MICAL2: variants seen among roughly 807,000 people sequenced by gnomAD.
The protein encoded by MICAL2 is [F-actin]-monooxygenase MICAL2.
MICAL2 carries 77 observed loss-of-function variants against 127.3 expected under a neutral mutation model. The observed-to-expected ratio is 0.60, with a 90% CI of 0.50 to 0.73. The LOEUF (loss-of-function observed/expected upper bound fraction) is 0.73, where lower values mean the gene tolerates loss of function less well. Ranked by LOEUF, MICAL2 falls within the 30% of genes least tolerant of loss-of-function variation. The probability of loss-of-function intolerance (pLI) is 0.00; values close to 1 mark genes in which losing one functional copy is unlikely to be tolerated. For missense variants in MICAL2, 1,351 were observed against 1,434.4 expected (o/e 0.94, Z 0.94); for synonymous variants, 570 against 551.1 (o/e 1.03, Z -0.48).
At chr11:12,199,608 G>A (rs1860409670) in intron 3 of MICAL2, among the ~76,000 whole-genome samples, 1 of 152,168 alleles carries the variant, frequency 6.6e-6, no homozygotes, top group South Asian at 2.1e-4. Context: ...GGTGAGAGGG[G>A]CGGCTGGAAG....
intron 1 of MICAL2, among the ~76,000 whole-genome samples, chr11:12,126,884 C>G (rs1850967806): frequency 6.6e-6 from 1 of 151,944 alleles, no homozygotes; most frequent in Admixed American, 6.6e-5. Context: ...GAGGAGGGAG[C>G]AGAGGTGGCG....
chr11:12,318,537 GA>G (rs535743494), intron 29 of MICAL2, among the ~76,000 whole-genome samples: 9 of 152,220 alleles, frequency 5.9e-5, no homozygotes, highest in Admixed American at 2.0e-4. Context: ...GTGAATAGTT[GA>G]AAATTTTAAG....
At chr11:12,185,146 T>TGGGTGGGTGGGA (rs1482588450) in intron 3 of MICAL2, among the ~76,000 whole-genome samples, 1 of 57,008 alleles carries the variant, frequency 1.8e-5, no homozygotes, top group Admixed American at 2.3e-4. Flanking sequence ...GGGGGATGGA[T>TGGGTGGGTGGGA]GGGTGGGTGT....
At chr11:12,202,505 C>T (rs971442629) in intron 3 of MICAL2, among the ~76,000 whole-genome samples, 1 of 152,156 alleles carries the variant, frequency 6.6e-6, no homozygotes, top group Non-Finnish European at 1.5e-5. Flanking sequence ...CACTTGAAAC[C>T]GTTCAACCCA....
chr11:12,114,757 G>A (rs959966943), intron 1 of MICAL2, among the ~76,000 whole-genome samples: 1 of 152,194 alleles, frequency 6.6e-6, no homozygotes. Context: ...ACTTGCTTAC[G>A]TGTGGACGTT....
At chr11:12,210,881 A>G (rs1259127097) in intron 6 of MICAL2, among the ~76,000 whole-genome samples, 1 of 152,224 alleles carries the variant, frequency 6.6e-6, no homozygotes, top group African/African-American at 2.4e-5. Flanking sequence ...TAGGGTGTTC[A>G]GCAGCATCCC....
intron 32 of MICAL2, among the ~76,000 whole-genome samples, chr11:12,338,570 C>T (rs1337300037): frequency 1.3e-5 from 2 of 152,166 alleles, no homozygotes; most frequent in Admixed American, 6.5e-5. Context: ...TACAATTTGG[C>T]ATGTTTTTGC....
At chr11:12,209,717 A>G in intron 6 of MICAL2, 119 bp downstream of exon 6, 1 of 882,288 alleles carries the variant, frequency 1.1e-6, no homozygotes, top group Non-Finnish European at 1.8e-6. Flanking sequence ...AGGTTTTGAT[A>G]GGAGGGCAGA....
Position 12,220,271 on chromosome 11 carries a change from G to T in MICAL2, c.1019G>T (p.Arg340Leu). 6.2e-7 allele frequency: 1 copy of T among 1,614,148 alleles called. No individual in the cohort carries two copies. Among genetic ancestry groups the T allele is most frequent in the Non-Finnish European group, 8.5e-7 (1 of 1,180,022 alleles). Residue 340 changes from arginine (R) to leucine (L), a missense_variant, in exon 9 of 28, where the codon CGG becomes CTG. Arg to Leu is a moderately radical substitution (Grantham distance 102). Around this residue, in one of 2 missense-constraint regions of MICAL2, gnomAD observed 599 missense variants for 714.9 expected, o/e 0.84. Transcript: ENST00000683283. ...VNQDNLLSYA[R>L]EAADFATNYQ... is the part of the protein sequence containing the mutation. ...CAAGACAACCTGCTATCCTATGCCC[G>T]GGAAGCTGCAGACTTTGCCACCAAC...
At chr11:12,178,469 TG>T (rs1338193150) in intron 3 of MICAL2, among the ~76,000 whole-genome samples, 2 of 137,044 alleles carry the variant, frequency 1.5e-5, no homozygotes, top group Non-Finnish European at 3.1e-5. Context: ...GGTATGGGGG[TG>T]GGGGGCAGGC....
chr11:12,232,778 T>C (rs1858473951), intron 15 of MICAL2, among the ~76,000 whole-genome samples: 1 of 152,174 alleles, frequency 6.6e-6, no homozygotes, highest in Admixed American at 6.5e-5. Flanking sequence ...ACTAATAGTG[T>C]CTAATACTTG....
intron 3 of MICAL2, among the ~76,000 whole-genome samples, chr11:12,194,263 G>C (rs1419178566): frequency 6.6e-6 from 1 of 152,226 alleles, no homozygotes; most frequent in Non-Finnish European, 1.5e-5. Context: ...CTCTGAACCA[G>C]ATACCGGGAT....
intron 2 of MICAL2, among the ~76,000 whole-genome samples, chr11:12,145,083 C>T (rs1279243863): frequency 6.6e-6 from 1 of 152,178 alleles, no homozygotes; most frequent in Non-Finnish European, 1.5e-5. Context: ...CTCACCTTGC[C>T]AGTTTCTGGT....
In MICAL2 at chr11:12,350,647, A is replaced by G. The variant is rs556393806; in HGVS notation, c.5615+710A>G. 9.2e-5 allele frequency among the ~76,000 whole-genome samples: 14 copies of G among 152,324 alleles called. 1 individual carries two copies. In the South Asian group the frequency reaches 2.7e-3, roughly 29 times the overall value. The stretch of plus-strand genomic sequence containing the variant: ...CTCTTCCCTGCCTGGGTTCTGAGCC[A>G]GGTGAGAAATAAGACAACCAAGTCA... On this transcript the variant is annotated intron_variant, in intron 33 of 34. Coordinates refer to the MICAL2 transcript ENST00000646065.
chr11:12,184,953 G>C (rs1172240877), intron 3 of MICAL2, among the ~76,000 whole-genome samples: 1 of 151,164 alleles, frequency 6.6e-6, no homozygotes, highest in African/African-American at 2.4e-5. Context: ...ATGTAGCCTA[G>C]TGAGTTAGGA....
downstream of MICAL2, chr11:12,294,818 CCTCCTCCTCCTCCTCCTCCTCCTA>C (rs753232119): frequency 3.7e-5 from 56 of 1,512,412 alleles, no homozygotes; most frequent in Non-Finnish European, 4.6e-5. Context: ...TCCTCCTCCT[CCTCCTCCTCCTCCTCCTCCTCCTA>C]CAGCGGGAGG....
intron 26 of MICAL2, chr11:12,261,175 C>T (rs992900124): frequency 1.0e-5 from 10 of 985,514 alleles, no homozygotes; most frequent in South Asian, 9.4e-5. Flanking sequence ...TGCTGGGAAG[C>T]GTGGCCTGCC....
intron 2 of MICAL2, among the ~76,000 whole-genome samples, chr11:12,155,399 A>G (rs1854062356): frequency 6.6e-6 from 1 of 152,224 alleles, no homozygotes. Context: ...ACACATACAT[A>G]TGTGCTCACA....
At chr11:12,155,499 C>T (rs915336977) in intron 2 of MICAL2, among the ~76,000 whole-genome samples, 7 of 152,010 alleles carry the variant, frequency 4.6e-5, no homozygotes, top group Non-Finnish European at 7.4e-5. Flanking sequence ...AACATACACA[C>T]GTACACATAC....
Sources: allele counts gnomAD v4.1 joint callset (sites outside exome capture counted in the v4.1 genomes callset), GRCh38; gene constraint gnomAD v4.1.1; regional missense constraint gnomAD v4.1.1; transcripts MANE v1.5; gene names NCBI Gene and HGNC (gene_info 2026-07-23, HGNC 2026-07-21).